The following LOXHD1 variants were observed in gnomAD, a reference collection of about 807,000 sequenced individuals.
The protein encoded by LOXHD1 is lipoxygenase homology domain-containing protein 1.
LOXHD1 carries 205 observed loss-of-function variants against 248.2 expected under a neutral mutation model. The observed-to-expected ratio is 0.83, with a 90% confidence interval of 0.74 to 0.93. The LOEUF (loss-of-function observed/expected upper bound fraction) is 0.93. Among genes scored for constraint, LOXHD1 ranks in the 40% least tolerant of loss-of-function variants. The pLI, the probability that LOXHD1 is intolerant of heterozygous loss-of-function variation, is 0.00. For missense variants in LOXHD1, 2,930 were observed against 2,971.6 expected, an observed-to-expected ratio of 0.99 and a Z score of 0.33; for synonymous variants, 1,113 against 1,162.8, an observed-to-expected ratio of 0.96 and a Z score of 0.87.
At chr18:46,597,634 T>A (rs1269042641) in intron 8 of LOXHD1, among the ~76,000 whole-genome samples, 1 of 151,928 alleles carries the variant, frequency 6.6e-6, no homozygotes, top group African/African-American at 2.4e-5. Flanking sequence ...GAAACATCAC[T>A]GCAATTTTTT....
In LOXHD1 at chr18:46,630,962, A is replaced by T. The variant is rs192259892; in HGVS notation, c.511+8654T>A. Among the ~76,000 whole-genome samples the T allele has an allele frequency of 1.3e-4, 20 of 152,272 alleles. No individual in the cohort carries two copies. The East Asian group carries it at 3.5e-3, about 26-fold the overall frequency. On this transcript the variant is annotated intron_variant, in intron 4 of 40. Coordinates refer to ENST00000642948, the MANE Select transcript of LOXHD1 (RefSeq NM_001384474.1). ...ACTTGCCCAGAGTCACATAATTACC[A>T]AAGTGTGAGGCTAGGACTCAGGTCT...
At chr18:46,606,966 G>A (rs565086831) in intron 6 of LOXHD1, among the ~76,000 whole-genome samples, 56 of 152,040 alleles carry the variant, frequency 3.7e-4, no homozygotes, top group African/African-American at 1.3e-3. Context: ...AGGAGTTCGA[G>A]ACCAGCCTGG....
chr18:46,625,922 C>G (rs1303853760), intron 4 of LOXHD1, among the ~76,000 whole-genome samples: 1 of 152,196 alleles, frequency 6.6e-6, no homozygotes, highest in Non-Finnish European at 1.5e-5. Flanking sequence ...CCAACCCAGA[C>G]TCTAGTAGAC....
At chr18:46,531,411 C>A (rs887108807) in intron 28 of LOXHD1, among the ~76,000 whole-genome samples, 5 of 152,298 alleles carry the variant, frequency 3.3e-5, no homozygotes, top group Admixed American at 3.3e-4. Context: ...GGTCTCCCCC[C>A]TCATTTTCCC....
intron 37 of LOXHD1, among the ~76,000 whole-genome samples, chr18:46,497,161 T>C (rs949024666): frequency 4.1e-4 from 63 of 152,326 alleles, no homozygotes; most frequent in African/African-American, 1.3e-3. Flanking sequence ...ATCACATCAA[T>C]GACTCAGGAT....
intron 37 of LOXHD1, among the ~76,000 whole-genome samples, chr18:46,495,659 T>C (rs999582036): frequency 2.6e-5 from 4 of 152,180 alleles, no homozygotes; most frequent in Non-Finnish European, 5.9e-5. Context: ...TATACAGTAC[T>C]AAGGAAATTT....
In LOXHD1 at chr18:46,485,062, C is replaced by G; in HGVS notation, c.6139G>C (p.Glu2047Gln). The G allele has an allele frequency of 6.4e-7, 1 of 1,550,970 alleles. No individual in the cohort carries two copies. Among genetic ancestry groups the G allele is most frequent in the East Asian group, 2.4e-5 (1 of 40,888 alleles). The change falls in exon 39 of 41, where the codon GAG becomes CAG. Residue 2047 changes from glutamate to glutamine, a missense_variant. Glu to Gln is a conservative substitution (Grantham distance 29, BLOSUM62 2). Transcript: ENST00000642948. Reference protein sequence around the residue: ...ILEGRKNRSKEFLMENSSRQR... With the variant: ...ILEGRKNRSKQFLMENSSRQR... The stretch of plus-strand genomic sequence containing the variant: ...CTAGAAGAATTTTCCATGAGAAACT[C>G]TTTGGATCGGTTCTTCCTGCCCTCC...
At chr18:46,563,348 T>A (rs1230094340) in intron 17 of LOXHD1, 123 bp from the exon 18 acceptor site, 6 of 938,504 alleles carry the variant, frequency 6.4e-6, no homozygotes, top group Non-Finnish European at 9.0e-6. Context: ...CATTCACTTA[T>A]CTAATCCTCT....
At chr18:46,649,677 G>A (rs565457738) in intron 1 of LOXHD1, among the ~76,000 whole-genome samples, 2 of 152,016 alleles carry the variant, frequency 1.3e-5, no homozygotes, top group Non-Finnish European at 2.9e-5. Context: ...ACTGTGGCCA[G>A]CCCTCACCTC....
intron 4 of LOXHD1, among the ~76,000 whole-genome samples, chr18:46,625,469 A>G (rs1239198978): frequency 6.6e-6 from 1 of 151,734 alleles, no homozygotes; most frequent in African/African-American, 2.4e-5. Flanking sequence ...CATAAAATAC[A>G]TTAACACTAG....
At chr18:46,488,555 A>T (rs2033231716) in intron 38 of LOXHD1, among the ~76,000 whole-genome samples, 1 of 152,164 alleles carries the variant, frequency 6.6e-6, no homozygotes, top group Non-Finnish European at 1.5e-5. Flanking sequence ...TCCCCTGAGG[A>T]AGGGACAAAA....
In LOXHD1 at chr18:46,584,059, A is replaced by G. The variant is rs528366296; in HGVS notation, c.1655-4275T>C. 2.6e-5 allele frequency among the ~76,000 whole-genome samples: 4 copies of G among 152,326 alleles called. No individual in the cohort carries two copies. The South Asian group carries it at 8.3e-4, about 32-fold the overall frequency. Reference sequence around the variant, plus strand: ...CTGTCACTTGCAACAACATAGATGAACCTGGAGAACATCAGGTTAAGTGAA... The same window carrying G: ...CTGTCACTTGCAACAACATAGATGAGCCTGGAGAACATCAGGTTAAGTGAA... On this transcript the variant is annotated intron_variant, in intron 12 of 40. Coordinates refer to ENST00000642948, the MANE Select transcript of LOXHD1 (RefSeq NM_001384474.1).
intron 1 of LOXHD1, among the ~76,000 whole-genome samples, chr18:46,655,913 T>C (rs1026178664): frequency 2.6e-5 from 4 of 152,066 alleles, no homozygotes; most frequent in Admixed American, 2.0e-4. Flanking sequence ...GAGGGCTTCA[T>C]GGAAGAGATG....
chr18:46,504,446 T>C (rs1366352465), intron 37 of LOXHD1, among the ~76,000 whole-genome samples: 1 of 152,212 alleles, frequency 6.6e-6, no homozygotes, highest in Admixed American at 6.5e-5. Context: ...GTATCTTTAA[T>C]ACCTAACAGA....
At chr18:46,610,190 C>T (rs1454141393) in intron 6 of LOXHD1, among the ~76,000 whole-genome samples, 1 of 152,126 alleles carries the variant, frequency 6.6e-6, no homozygotes, top group African/African-American at 2.4e-5. Context: ...CAGGCCCCGG[C>T]TAGGTTCAGA....
chr18:46,566,321 C>G lies in LOXHD1; in HGVS notation c.2373G>C (p.Lys791Asn). The G allele has an allele frequency of 6.4e-7, 1 of 1,551,908 alleles. No homozygotes were observed. Among genetic ancestry groups the G allele is most frequent in the South Asian group, 1.2e-5 (1 of 84,066 alleles). The change falls in exon 17 of 41, where the codon AAG becomes AAC. Residue 791 changes from lysine (K) to asparagine (N), a missense_variant. Lys to Asn is a moderately conservative substitution (Grantham distance 94). Coordinates refer to ENST00000642948, the MANE Select transcript of LOXHD1 (RefSeq NM_001384474.1). ...CCTCCAGGCGCCCGTCAGCCTGGTT[C>G]TTGTCCAGCCAGCGGTTGGCGGGAA... Reference protein sequence around the residue: ...YTFPANRWLDKNQADGRLEVE... With the variant: ...YTFPANRWLDNNQADGRLEVE...
intron 4 of LOXHD1, among the ~76,000 whole-genome samples, chr18:46,626,094 A>G (rs560938473): frequency 6.6e-6 from 1 of 152,318 alleles, no homozygotes; most frequent in Non-Finnish European, 1.5e-5. Flanking sequence ...GCATTAGTTT[A>G]TACTAAGGGA....
chr18:46,492,882 C>T (rs2033585960), intron 37 of LOXHD1, among the ~76,000 whole-genome samples: 1 of 152,148 alleles, frequency 6.6e-6, no homozygotes, highest in African/African-American at 2.4e-5. Flanking sequence ...TAGTTGGTAT[C>T]CAGGCTTGTA....
chr18:46,613,379 A>G (rs1320672019), intron 5 of LOXHD1, among the ~76,000 whole-genome samples: 1 of 152,112 alleles, frequency 6.6e-6, no homozygotes, highest in African/African-American at 2.4e-5. Context: ...TTGCATTACT[A>G]ATTTTTATTA....
Sources: allele counts gnomAD v4.1 joint callset (sites outside exome capture counted in the v4.1 genomes callset), GRCh38; gene constraint gnomAD v4.1.1; transcripts MANE v1.5; gene names NCBI Gene and HGNC (gene_info 2026-07-23, HGNC 2026-07-21).